The following OTUD7A variants were observed in gnomAD, a reference collection of about 807,000 sequenced individuals.
The protein encoded by OTUD7A is OTU domain-containing protein 7A.
In OTUD7A, 12 loss-of-function variants were observed where a neutral mutation model predicts 65.7. The ratio of observed to expected loss-of-function variants is 0.18; its 90% confidence interval spans 0.12 to 0.30. OTUD7A has a LOEUF of 0.30. Among genes scored for constraint, OTUD7A ranks in the 10% least tolerant of loss-of-function variants. The pLI is 1.00. For synonymous variants in OTUD7A, 641 were observed against 586.3 expected, an observed-to-expected ratio of 1.09 and a Z score of -1.35; for missense variants, 1,148 against 1,304.8, an observed-to-expected ratio of 0.88 and a Z score of 1.85.
chr15:31,554,467 C>T (rs905210770), intron 5 of OTUD7A, among the ~76,000 whole-genome samples: 5 of 152,210 alleles, frequency 3.3e-5, no homozygotes, highest in Admixed American at 6.5e-5. Context: ...CCTGCCAATC[C>T]GGGCCTCAAG....
intron 1 of OTUD7A, among the ~76,000 whole-genome samples, chr15:31,857,390 G>C (rs543947043): frequency 5.3e-5 from 8 of 152,158 alleles, no homozygotes; most frequent in Non-Finnish European, 7.4e-5. Flanking sequence ...AACCCAGTGT[G>C]GGGGCAGGGG....
intron 5 of OTUD7A, among the ~76,000 whole-genome samples, chr15:31,541,223 G>A (rs1381651608): frequency 1.3e-5 from 2 of 152,130 alleles, no homozygotes. Flanking sequence ...GAAAAAAGTT[G>A]AGTAGATCTT....
intron 8 of OTUD7A, among the ~76,000 whole-genome samples, chr15:31,517,028 C>G (rs2041868876): frequency 6.6e-6 from 1 of 152,134 alleles, no homozygotes. Context: ...GAGCGATGGT[C>G]AGGTAAGAAA....
intron 8 of OTUD7A, among the ~76,000 whole-genome samples, chr15:31,507,493 A>G (rs2041595588): frequency 6.6e-6 from 1 of 152,202 alleles, no homozygotes; most frequent in African/African-American, 2.4e-5. Context: ...CACTGACTTC[A>G]AGAATGAAGT....
At chr15:31,771,805 A>G (rs1461513483) in intron 1 of OTUD7A, among the ~76,000 whole-genome samples, 1 of 152,064 alleles carries the variant, frequency 6.6e-6, no homozygotes, top group African/African-American at 2.4e-5. Context: ...CCCATGGGAC[A>G]CTTCAGCCTT....
At chr15:31,772,970 T>C (rs890710086) in intron 1 of OTUD7A, among the ~76,000 whole-genome samples, 2 of 152,236 alleles carry the variant, frequency 1.3e-5, no homozygotes, top group African/African-American at 4.8e-5. Context: ...TTTTCTGTAC[T>C]ATTTTCAATT....
intron 1 of OTUD7A, among the ~76,000 whole-genome samples, chr15:31,753,719 TATTA>T (rs879376911): frequency 0.09 from 9,073 of 100,482 alleles, 949 homozygotes; most frequent in African/African-American, 0.23. Context: ...TATATATATA[TATTA>T]TATATATATA....
At chr15:31,823,758 G>A (rs1896739915) in intron 1 of OTUD7A, among the ~76,000 whole-genome samples, 2 of 152,184 alleles carry the variant, frequency 1.3e-5, no homozygotes, top group African/African-American at 4.8e-5. Flanking sequence ...TTCACAGGAG[G>A]ACGCCAGAAT....
At chr15:31,565,683 G>C (rs1227609418) in intron 4 of OTUD7A, among the ~76,000 whole-genome samples, 1 of 152,142 alleles carries the variant, frequency 6.6e-6, no homozygotes, top group Non-Finnish European at 1.5e-5. Flanking sequence ...AGTGTAACAG[G>C]GGGGCAGCCA....
chr15:31,842,911 T>A (rs938435104), intron 1 of OTUD7A, among the ~76,000 whole-genome samples: 3 of 152,158 alleles, frequency 2.0e-5, no homozygotes, highest in African/African-American at 7.2e-5. Context: ...ACATGCATCC[T>A]AATTAATGCT....
chr15:31,778,755 CAG>C (rs200868853), intron 1 of OTUD7A, among the ~76,000 whole-genome samples: 3,621 of 152,116 alleles, frequency 0.024, 160 homozygotes, highest in African/African-American at 0.08. Flanking sequence ...CACACACACA[CAG>C]ACACGCACAT....
intron 1 of OTUD7A, among the ~76,000 whole-genome samples, chr15:31,722,005 G>A (rs1313394512): frequency 2.6e-5 from 4 of 152,278 alleles, no homozygotes; most frequent in African/African-American, 7.2e-5. Context: ...TGAAGGAGAA[G>A]AGGCGGGGTC....
chr15:31,840,279 A>C (rs1036255540), intron 1 of OTUD7A, among the ~76,000 whole-genome samples: 1 of 151,720 alleles, frequency 6.6e-6, no homozygotes, highest in African/African-American at 2.4e-5. Flanking sequence ...TAAATAAATA[A>C]ATAAATAAAT....
chr15:31,779,755 C>T (rs1328048760), intron 1 of OTUD7A, among the ~76,000 whole-genome samples: 1 of 151,914 alleles, frequency 6.6e-6, no homozygotes, highest in African/African-American at 2.4e-5. Flanking sequence ...ACTTTGGAGC[C>T]CTAGGGGTGG....
chr15:31,754,976 G>A (rs745505089), intron 1 of OTUD7A, among the ~76,000 whole-genome samples: 1 of 151,986 alleles, frequency 6.6e-6, no homozygotes, highest in Non-Finnish European at 1.5e-5. Context: ...GGCTGGCACA[G>A]AAGGAAGACG....
intron 10 of OTUD7A, among the ~76,000 whole-genome samples, chr15:31,488,202 T>C (rs1340632777): frequency 6.6e-6 from 1 of 152,054 alleles, no homozygotes; most frequent in Non-Finnish European, 1.5e-5. Context: ...CTTTTTCGGA[T>C]GGGGTCAGGG....
intron 3 of OTUD7A, among the ~76,000 whole-genome samples, chr15:31,652,000 C>CAAAAAAAAA (rs34951638): frequency 8.7e-6 from 1 of 114,716 alleles, no homozygotes; most frequent in African/African-American, 3.0e-5. Context: ...CATAGAAAGG[C>CAAAAAAAAA]AAAAAAAAAA....
intron 1 of OTUD7A, among the ~76,000 whole-genome samples, chr15:31,748,200 T>G (rs929276289): frequency 6.6e-6 from 1 of 152,042 alleles, no homozygotes; most frequent in African/African-American, 2.4e-5. Context: ...ATTTTAATAA[T>G]TGCACTATAG....
intron 1 of OTUD7A, among the ~76,000 whole-genome samples, chr15:31,757,355 A>T (rs1894844185): frequency 6.7e-6 from 1 of 148,216 alleles, no homozygotes; most frequent in Admixed American, 6.7e-5. Context: ...TATATATATT[A>T]TATATATATA....
Sources: allele counts gnomAD v4.1 joint callset (sites outside exome capture counted in the v4.1 genomes callset), GRCh38; gene constraint gnomAD v4.1.1; transcripts MANE v1.5; gene names NCBI Gene and HGNC (gene_info 2026-07-23, HGNC 2026-07-21).